The following JPH1 variants were observed in gnomAD, a reference collection of about 807,000 sequenced individuals.
JPH1 encodes the protein junctophilin 1.
In JPH1, 12 loss-of-function variants were observed where a neutral mutation model predicts 53.6. That is an observed-to-expected ratio of 0.22 (90% CI 0.14 to 0.36). The LOEUF (loss-of-function observed/expected upper bound fraction) is 0.36, where lower values mean the gene tolerates loss of function less well. Ranked by LOEUF, JPH1 falls within the 10% of genes least tolerant of loss-of-function variation. The pLI is 1.00. For synonymous variants in JPH1, 375 were observed against 363.8 expected, an observed-to-expected ratio of 1.03 and a Z score of -0.35; for missense variants, 808 against 905.5, an observed-to-expected ratio of 0.89 and a Z score of 1.38.
Position 74,321,058 on chromosome 8 carries a change from T to C in JPH1, c.230A>G (p.Lys77Arg). 1 of 1,613,504 alleles carries C rather than the reference T, an allele frequency of 6.2e-7. No individual in the cohort carries two copies. Among genetic ancestry groups the C allele is most frequent in the Non-Finnish European group, 8.5e-7 (1 of 1,179,728 alleles). ...GKRHGLGVET[K>R]GKWMYRGEWS... Reference sequence around the variant, plus strand: ...CTCCCCCCGGTACATCCACTTGCCCTTCGTCTCCACCCCCAGCCCGTGCCG... The same window carrying C: ...CTCCCCCCGGTACATCCACTTGCCCCTCGTCTCCACCCCCAGCCCGTGCCG... Residue 77 changes from lysine to arginine, a missense_variant, in exon 1 of 6, where the codon AAG becomes AGG. By Grantham distance (26) the Lys-to-Arg change is conservative. Transcript: ENST00000342232. The surrounding 1 kb of genome is among the most constrained non-coding windows in gnomAD (Gnocchi z 4.3).
At chr8:74,279,763 T>G (rs1806956362) in intron 2 of JPH1, among the ~76,000 whole-genome samples, 1 of 152,200 alleles carries the variant, frequency 6.6e-6, no homozygotes, top group African/African-American at 2.4e-5. Context: ...CTTCACCCCT[T>G]GGCTTTCCCC....
chr8:74,292,095 A>G (rs1345421085), intron 2 of JPH1, among the ~76,000 whole-genome samples: 2 of 152,248 alleles, frequency 1.3e-5, no homozygotes, highest in African/African-American at 4.8e-5. Context: ...TAATGGGTGC[A>G]GCACACCAAC....
chr8:74,297,587 C>T (rs909454105), intron 2 of JPH1, among the ~76,000 whole-genome samples: 18 of 152,240 alleles, frequency 1.2e-4, no homozygotes, highest in African/African-American at 2.4e-5. Flanking sequence ...CCCCAGACCA[C>T]TGCATTTGGG....
intron 2 of JPH1, among the ~76,000 whole-genome samples, chr8:74,306,836 A>T (rs1341469688): frequency 6.6e-6 from 1 of 151,830 alleles, no homozygotes; most frequent in Admixed American, 6.6e-5. Flanking sequence ...ACCTCAAGGG[A>T]TCCGCCCGCC....
intron 2 of JPH1, among the ~76,000 whole-genome samples, chr8:74,289,234 G>A (rs937505186): frequency 2.0e-5 from 3 of 152,126 alleles, no homozygotes; most frequent in Non-Finnish European, 2.9e-5. Context: ...ATTTCTTTAC[G>A]TGATTAATAG....
At chr8:74,303,326 T>C (rs1233842372) in intron 2 of JPH1, among the ~76,000 whole-genome samples, 1 of 152,188 alleles carries the variant, frequency 6.6e-6, no homozygotes, top group Non-Finnish European at 1.5e-5. Context: ...TCCAAACTTA[T>C]CTTCCTCCCT....
At chr8:74,245,775 CT>C (rs1048726927) in intron 3 of JPH1, among the ~76,000 whole-genome samples, 1 of 152,002 alleles carries the variant, frequency 6.6e-6, no homozygotes, top group Non-Finnish European at 1.5e-5. Flanking sequence ...GCAGTTGTCT[CT>C]GGTTCTGTAG....
chr8:74,284,520 T>C (rs764629867), intron 2 of JPH1, among the ~76,000 whole-genome samples: 50 of 152,112 alleles, frequency 3.3e-4, no homozygotes, highest in Non-Finnish European at 6.0e-4. Context: ...GGCTTTCTCC[T>C]TTCAGTCATC....
chr8:74,287,880 A>T (rs1807214079), intron 2 of JPH1, among the ~76,000 whole-genome samples: 1 of 152,282 alleles, frequency 6.6e-6, no homozygotes, highest in Middle Eastern at 3.4e-3. Flanking sequence ...CTTTCAAACT[A>T]TGTCCCTATA....
At position 74,320,923 on chromosome 8, in the gene JPH1, G is replaced by T. The variant is rs777487997; in HGVS notation, c.365C>A (p.Thr122Asn). 5.7e-6 allele frequency: 9 copies of T among 1,577,970 alleles called. No individual in the cohort carries two copies. In the South Asian group the frequency reaches 1.1e-4, roughly 18 times the overall value. ...NGLQDGYGVE[T>N]YGDGGTYQGQ... ...ACGCCGCTCACCTCCGTCCCCGTAG[G>T]TCTCCACGCCGTACCCGTCTTGCAG... The change falls in exon 1 of 6, where the codon ACC becomes AAC. Residue 122 changes from threonine (T) to asparagine (N), a missense_variant. This residue lies in a region of JPH1 where 756 missense variants were observed against 811.9 expected (regional missense o/e 0.93). Transcript: ENST00000342232. This position sits in a 1 kb window ranked among gnomAD's most constrained non-coding sequence, Gnocchi z 4.4.
chr8:74,315,730 T>C lies in JPH1; in HGVS notation c.380-110A>G. ...CTGCCCAAGGTCAAATCTGACCCAT[T>C]TCCAAGTCAACCCTGGGGGATACTT... On this transcript the variant is annotated intron_variant, in intron 1 of 5. Transcript: ENST00000342232. The surrounding 1 kb of genome is among the most constrained non-coding windows in gnomAD (Gnocchi z 6.3). The C allele has an allele frequency of 1.8e-6, 2 of 1,086,374 alleles. No individual in the cohort carries two copies. The highest frequency in any genetic ancestry group is 2.5e-6 in the Non-Finnish European group (2 of 792,844). 67.3% of individuals were successfully genotyped at this position (1,086,374 alleles called of 1,614,324 possible).
rs2131376825 is a variant in JPH1 at position 74,244,411 on chromosome 8, C to T, written c.1905+118G>A. ...GTGTTATGTGCTGCTCTAAACAACC[C>T]TGTGCTTCTAGAACCTTGGTTAGCC... On this transcript the variant is annotated intron_variant, in intron 4 of 5. Coordinates refer to ENST00000342232, the MANE Select transcript of JPH1 (RefSeq NM_020647.4). 2.7e-6 allele frequency: 3 copies of T among 1,109,044 alleles called. 1 individual carries two copies. The South Asian group carries it at 4.6e-5, about 17-fold the overall frequency. The allele number at this position is 1,109,044 out of a possible 1,614,324, so 68.7% of individuals were successfully genotyped here. A position where few individuals can be genotyped will look rare whatever the true frequency, so the allele number is the denominator to read the frequency against.
intron 2 of JPH1, among the ~76,000 whole-genome samples, chr8:74,263,852 T>C (rs945813516): frequency 6.6e-6 from 1 of 152,166 alleles, no homozygotes; most frequent in African/African-American, 2.4e-5. Flanking sequence ...TGTGACATTA[T>C]TCATTCATGA....
chr8:74,292,655 A>AAAG (rs1807368941), intron 2 of JPH1, among the ~76,000 whole-genome samples: 1 of 151,908 alleles, frequency 6.6e-6, no homozygotes, highest in East Asian at 1.9e-4. Flanking sequence ...CTGTTAAAAA[A>AAAG]CAAACAAACA....
intron 2 of JPH1, among the ~76,000 whole-genome samples, chr8:74,271,520 G>A (rs956354473): frequency 2.0e-5 from 3 of 152,196 alleles, no homozygotes; most frequent in South Asian, 2.1e-4. Flanking sequence ...AAAAGGATGT[G>A]CCCTCGCCTT....
intron 3 of JPH1, among the ~76,000 whole-genome samples, chr8:74,257,601 A>G (rs995238700): frequency 1.7e-4 from 26 of 152,152 alleles, no homozygotes; most frequent in African/African-American, 6.0e-4. Flanking sequence ...CCCTTTTCCC[A>G]GCTCTCACGC....
chr8:74,320,442 C>G lies in JPH1; in HGVS notation c.379+467G>C, dbSNP rs1202521929. On this transcript the variant is annotated intron_variant, in intron 1 of 5. Coordinates refer to ENST00000342232, the MANE Select transcript of JPH1 (RefSeq NM_020647.4). The surrounding 1 kb of genome is among the most constrained non-coding windows in gnomAD (Gnocchi z 4.4). ...AAATACGACTCCACGTGAAACCAAT[C>G]CCGGGAGCGGTCAGCACGGACCGCC... 6.6e-6 allele frequency among the ~76,000 whole-genome samples: 1 copy of G among 152,200 alleles called. No homozygotes were observed. The highest frequency in any genetic ancestry group is 2.1e-4 in the South Asian group (1 of 4,832).
intron 2 of JPH1, among the ~76,000 whole-genome samples, chr8:74,296,433 T>C (rs1045558956): frequency 2.0e-5 from 3 of 152,236 alleles, no homozygotes; most frequent in Non-Finnish European, 2.9e-5. Flanking sequence ...AAATATTTTA[T>C]AGCAACTCTA....
Position 74,315,588 on chromosome 8 carries a change from G to T in JPH1, c.412C>A (p.Arg138=), listed in dbSNP as rs1229021226. 6.2e-7 allele frequency: 1 copy of T among 1,603,574 alleles called. No individual in the cohort carries two copies. Among genetic ancestry groups the T allele is most frequent in the Non-Finnish European group, 8.5e-7 (1 of 1,178,160 alleles). The change falls in exon 2 of 6, where the codon CGG becomes AGG. Residue 138 remains arginine, a synonymous_variant. Transcript: ENST00000342232. This position sits in a 1 kb window ranked among gnomAD's most constrained non-coding sequence, Gnocchi z 6.3. ...TYQGQWAGGM[R]HGYGVRQSVP... is the part of the protein sequence containing the mutation. Reference sequence around the variant, plus strand: ...CTCTGGCGCACGCCGTAGCCATGCCGCATGCCTCCGGCCCACTGGCCCTGG... The same window carrying T: ...CTCTGGCGCACGCCGTAGCCATGCCTCATGCCTCCGGCCCACTGGCCCTGG...
Sources: allele counts gnomAD v4.1 joint callset (sites outside exome capture counted in the v4.1 genomes callset), GRCh38; gene constraint gnomAD v4.1.1; regional missense constraint gnomAD v4.1.1; non-coding constraint Gnocchi (gnomAD v3.1); transcripts MANE v1.5; gene names NCBI Gene and HGNC (gene_info 2026-07-23, HGNC 2026-07-21).